Variants in NBEA observed in about 807,000 individuals in gnomAD.
NBEA encodes lysosomal-trafficking regulator 2.
Under a neutral mutation model 343.4 loss-of-function variants are expected in NBEA, and 44 were observed. The ratio of observed to expected loss-of-function variants is 0.13; its 90% CI spans 0.10 to 0.16. The LOEUF is 0.16. NBEA is among the 10% of genes least tolerant of loss of function. NBEA has a pLI of 1.00. For missense variants in NBEA, 2,555 were observed against 3,631.3 expected, an observed-to-expected ratio of 0.70 and a Z score of 7.62; for synonymous variants, 1,175 against 1,238.7, an observed-to-expected ratio of 0.95 and a Z score of 1.08.
chr13:35,029,762 A>G (rs2062139513), intron 1 of NBEA, among the ~76,000 whole-genome samples: 1 of 151,664 alleles, frequency 6.6e-6, no homozygotes, highest in African/African-American at 2.4e-5. Flanking sequence ...GTGCTCTTAG[A>G]AGACAACATG....
intron 48 of NBEA, among the ~76,000 whole-genome samples, chr13:35,611,105 C>T (rs1356018655): frequency 6.6e-6 from 1 of 150,850 alleles, no homozygotes; most frequent in African/African-American, 2.4e-5. Context: ...AGCTGAAATT[C>T]ACATATCCTG....
At chr13:35,590,067 T>A (rs2081463910) in intron 46 of NBEA, among the ~76,000 whole-genome samples, 1 of 152,078 alleles carries the variant, frequency 6.6e-6, no homozygotes, top group African/African-American at 2.4e-5. Context: ...GATGTACACA[T>A]GGAAAATGGC....
chr13:35,465,682 A>C (rs1213287804), intron 40 of NBEA, among the ~76,000 whole-genome samples: 2 of 152,226 alleles, frequency 1.3e-5, no homozygotes, highest in African/African-American at 2.4e-5. Context: ...GCAAATTTTC[A>C]CACTGAACAT....
chr13:35,008,945 A>G (rs1429520637), intron 1 of NBEA, among the ~76,000 whole-genome samples: 2 of 152,154 alleles, frequency 1.3e-5, no homozygotes, highest in African/African-American at 2.4e-5. Flanking sequence ...TTGTTTTTAC[A>G]GTGGGCATTT....
intron 17 of NBEA, among the ~76,000 whole-genome samples, chr13:35,140,385 G>T (rs564829912): frequency 6.6e-6 from 1 of 152,226 alleles, no homozygotes; most frequent in African/African-American, 2.4e-5. Flanking sequence ...CCAATGCTTT[G>T]TCATTTGTTC....
intron 30 of NBEA, among the ~76,000 whole-genome samples, chr13:35,195,514 T>G (rs979630176): frequency 1.3e-5 from 2 of 152,076 alleles, no homozygotes; most frequent in African/African-American, 4.8e-5. Context: ...TTCTCCTGCC[T>G]CAGCCTCCCG....
chr13:35,403,803 T>C (rs1162461978), intron 38 of NBEA, among the ~76,000 whole-genome samples: 1 of 151,930 alleles, frequency 6.6e-6, no homozygotes, highest in Non-Finnish European at 1.5e-5. Context: ...GAAACTACCA[T>C]CAGAGTGAAA....
intron 1 of NBEA, among the ~76,000 whole-genome samples, chr13:34,962,093 T>C (rs1443634849): frequency 6.6e-6 from 1 of 152,110 alleles, no homozygotes; most frequent in Non-Finnish European, 1.5e-5. Flanking sequence ...ATGTGGCTAA[T>C]AGAAAGTTTG....
intron 34 of NBEA, among the ~76,000 whole-genome samples, chr13:35,234,696 A>C (rs1026881184): frequency 2.0e-5 from 3 of 152,120 alleles, no homozygotes; most frequent in Non-Finnish European, 4.4e-5. Context: ...TTATGAGGAC[A>C]CAGGTTTGAA....
chr13:35,151,859 C>T (rs971214183), intron 18 of NBEA, among the ~76,000 whole-genome samples: 1 of 151,970 alleles, frequency 6.6e-6, no homozygotes, highest in Non-Finnish European at 1.5e-5. Context: ...TGCTTTGTTA[C>T]TCCATCTCTA....
intron 38 of NBEA, among the ~76,000 whole-genome samples, chr13:35,378,733 C>T (rs2041868025): frequency 6.6e-6 from 1 of 151,466 alleles, no homozygotes. Context: ...AAACTGAAGG[C>T]ACCTATGCAC....
chr13:35,093,252 T>C (rs2065174590), intron 10 of NBEA, among the ~76,000 whole-genome samples: 1 of 151,736 alleles, frequency 6.6e-6, no homozygotes, highest in Admixed American at 6.6e-5. Context: ...CTGGGCTATA[T>C]TTTGATTGTG....
chr13:35,581,667 G>T (rs1401616745), intron 45 of NBEA, among the ~76,000 whole-genome samples: 6 of 146,222 alleles, frequency 4.1e-5, no homozygotes, highest in Non-Finnish European at 8.9e-5. Flanking sequence ...CTCACTCATA[G>T]GTGGGAATTG....
chr13:35,220,471 T>G, intron 33 of NBEA, among the ~76,000 whole-genome samples: 1 of 152,348 alleles, frequency 6.6e-6, no homozygotes, highest in Admixed American at 6.5e-5. Flanking sequence ...AAGGATATTT[T>G]GAACCAATAG....
chr13:35,491,670 G>A (rs1414492184), intron 41 of NBEA, among the ~76,000 whole-genome samples: 3 of 151,770 alleles, frequency 2.0e-5, no homozygotes, highest in African/African-American at 7.3e-5. Context: ...TATTTTTGGT[G>A]CCCATTATCC....
chr13:35,107,725 G>T (rs191244105), intron 11 of NBEA, among the ~76,000 whole-genome samples: 42 of 152,090 alleles, frequency 2.8e-4, no homozygotes, highest in African/African-American at 9.1e-4. Flanking sequence ...CTAATAGTGA[G>T]TAATCAACAT....
chr13:35,321,512 T>C (rs1340095516), intron 36 of NBEA, among the ~76,000 whole-genome samples: 7 of 152,170 alleles, frequency 4.6e-5, no homozygotes. Flanking sequence ...GGAGCTCTCC[T>C]GTATGAGGTG....
chr13:35,420,784 T>C (rs1488933309), intron 38 of NBEA, among the ~76,000 whole-genome samples: 1 of 152,004 alleles, frequency 6.6e-6, no homozygotes, highest in Non-Finnish European at 1.5e-5. Context: ...TTTATGTGTG[T>C]AGAGTCTTTC....
At chr13:35,117,281 T>C in intron 13 of NBEA, 133 bp from the exon 14 acceptor site, 2 of 325,692 alleles carry the variant, frequency 6.1e-6, no homozygotes, top group African/African-American at 2.2e-5. Context: ...TAAAATTTTA[T>C]AGCATTAATA....
Sources: gnomAD v4.1 joint callset for allele counts (sites outside exome capture counted in the v4.1 genomes callset) on GRCh38, gnomAD v4.1.1 for gene constraint, MANE v1.5 for transcripts, NCBI Gene and HGNC (gene_info 2026-07-23, HGNC 2026-07-21) for gene names.